The following TPH2 variants were observed in gnomAD, a reference collection of about 807,000 sequenced individuals.
TPH2 encodes tryptophan hydroxylase 2, also known as tryptophan 5-hydroxylase 2.
In TPH2, 27 loss-of-function variants were observed where a neutral mutation model predicts 59.1. That is an observed-to-expected ratio of 0.46 (90% CI 0.34 to 0.63). TPH2 has a LOEUF of 0.63. Among genes scored for constraint, TPH2 ranks in the 30% least tolerant of loss-of-function variants. The probability of loss-of-function intolerance (pLI) is 0.01; values close to 1 mark genes in which losing one functional copy is unlikely to be tolerated. For synonymous variants in TPH2, 220 were observed against 210.5 expected, an observed-to-expected ratio of 1.05 and a Z score of -0.39; for missense variants, 523 against 588.3, an observed-to-expected ratio of 0.89 and a Z score of 1.15.
intron 5 of TPH2, among the ~76,000 whole-genome samples, chr12:71,954,508 T>C (rs1397834748): frequency 6.6e-6 from 1 of 152,052 alleles, no homozygotes; most frequent in Non-Finnish European, 1.5e-5. Flanking sequence ...AAGTACCCCA[T>C]GATTAGATAA....
chr12:72,014,376 A>AT lies in TPH2; in HGVS notation c.1069-8013dup, dbSNP rs905504732. The stretch of plus-strand genomic sequence containing the variant: ...CTATCTCTTGAAGCCTAGTCCCAGA[A>AT]TTTTTTTTTTCTTTTTTTCTTTTTT... On this transcript the variant is annotated intron_variant, in intron 8 of 10. Coordinates refer to ENST00000333850, the MANE Select transcript of TPH2 (RefSeq NM_173353.4). 7.6e-4 allele frequency among the ~76,000 whole-genome samples: 110 copies of AT among 145,026 alleles called. 1 individual carries two copies. The highest frequency in any genetic ancestry group is 2.0e-3 in the African/African-American group (80 of 39,180).
chr12:71,941,038 A>C (rs763037593), intron 1 of TPH2, among the ~76,000 whole-genome samples: 7 of 152,212 alleles, frequency 4.6e-5, no homozygotes, highest in Non-Finnish European at 7.3e-5. Context: ...ATTCACATTG[A>C]CAATGTGGAT....
At chr12:71,942,206 T>G (rs952341595) in intron 2 of TPH2, among the ~76,000 whole-genome samples, 23 of 152,332 alleles carry the variant, frequency 1.5e-4, no homozygotes, top group African/African-American at 5.3e-4. Flanking sequence ...TGTATCTTTT[T>G]GCGAAGATGA....
chr12:71,965,031 T>C (rs1229189811), intron 5 of TPH2: 4 of 152,246 alleles, frequency 2.6e-5, no homozygotes, highest in African/African-American at 7.2e-5. Context: ...AGTGAGAACA[T>C]GCAGTATTTA....
chr12:72,031,799 TA>T lies in TPH2; in HGVS notation c.*106del. On this transcript the variant is annotated 3_prime_UTR_variant, in exon 11 of 11. Coordinates refer to ENST00000333850, the MANE Select transcript of TPH2 (RefSeq NM_173353.4). The stretch of plus-strand genomic sequence containing the variant: ...ACCTTCTGTGTCATGGCTTGGCTAA[TA>T]AGCATGCAATTCCATATATCTATAC... The T allele has an allele frequency of 7.4e-7, 1 of 1,348,242 alleles. No individual in the cohort carries two copies. The highest frequency in any genetic ancestry group is 1.1e-6 in the Non-Finnish European group (1 of 945,098). The allele number at this position is 1,348,242 out of a possible 1,614,324, so 83.5% of individuals were successfully genotyped here. A position where few individuals can be genotyped will look rare whatever the true frequency, so the allele number is the denominator to read the frequency against.
At chr12:72,001,428 C>CTTT (rs529030879) in intron 8 of TPH2, among the ~76,000 whole-genome samples, 1 of 141,048 alleles carries the variant, frequency 7.1e-6, no homozygotes, top group Non-Finnish European at 1.6e-5. Context: ...GCTTTGTGTT[C>CTTT]TTTTTTTTTT....
At chr12:72,015,877 T>C (rs1282902113) in intron 8 of TPH2, among the ~76,000 whole-genome samples, 1 of 152,088 alleles carries the variant, frequency 6.6e-6, no homozygotes, top group East Asian at 1.9e-4. Flanking sequence ...GATGGGGCAG[T>C]GTCAGTGGCT....
intron 7 of TPH2, among the ~76,000 whole-genome samples, chr12:71,982,258 A>T (rs1872307539): frequency 6.6e-6 from 1 of 150,628 alleles, no homozygotes; most frequent in South Asian, 2.1e-4. Context: ...ATCTGCCTCG[A>T]CCTCCTAAAG....
intron 9 of TPH2, among the ~76,000 whole-genome samples, chr12:72,024,171 A>T (rs2139246922): frequency 6.6e-6 from 1 of 152,324 alleles, no homozygotes; most frequent in African/African-American, 2.4e-5. Context: ...AAAGTGTGAC[A>T]ATGAAAGAAA....
intron 8 of TPH2, among the ~76,000 whole-genome samples, chr12:72,021,389 GTGTGTGTA>G (rs1406796094): frequency 4.8e-4 from 71 of 147,286 alleles, no homozygotes; most frequent in African/African-American, 1.5e-3. Flanking sequence ...GTGTGTGTGT[GTGTGTGTA>G]TGTGTGTATA....
chr12:72,022,484 G>C lies in TPH2; in HGVS notation c.1154G>C (p.Gly385Ala). ...AYGAGLLSSI[G>A]ELKHALSDKA... The stretch of plus-strand genomic sequence containing the variant: ...GGAGCAGGACTCCTTTCCTCCATTG[G>C]AGAATTAAAGGTATGAAGCTGTGAA... The change falls in exon 9 of 11, where the codon GGA (glycine) becomes GCA (alanine). Residue 385 changes from glycine (G) to alanine (A), a missense_variant. Transcript: ENST00000333850. 6.2e-7 allele frequency: 1 copy of C among 1,612,590 alleles called. No individual in the cohort carries two copies.
rs562710747 is a variant in TPH2 at position 71,944,928 on chromosome 12, C to A, written c.540+242C>A. 7.9e-5 allele frequency among the ~76,000 whole-genome samples: 12 copies of A among 152,166 alleles called. No individual in the cohort carries two copies. In the South Asian group the frequency reaches 2.5e-3, roughly 32 times the overall value. ...TAAAAGGGTTGGATAGAGGAGGAGA[C>A]GCTAAACCTTGGAGAATATTTCTGT... On this transcript the variant is annotated intron_variant, in intron 4 of 10. Transcript: ENST00000333850.
At chr12:71,983,325 A>T (rs1041440329) in intron 7 of TPH2, among the ~76,000 whole-genome samples, 1 of 152,130 alleles carries the variant, frequency 6.6e-6, no homozygotes, top group South Asian at 2.1e-4. Flanking sequence ...CCATGCTTTG[A>T]TCAGCTGTGG....
At chr12:72,024,623 A>G (rs546747123) in intron 9 of TPH2, among the ~76,000 whole-genome samples, 4 of 152,228 alleles carry the variant, frequency 2.6e-5, no homozygotes, top group Admixed American at 6.5e-5. Context: ...GTGTCTATTT[A>G]CATCCTCCTC....
chr12:71,966,576 C>A (rs1454848652), intron 5 of TPH2, among the ~76,000 whole-genome samples: 1 of 152,186 alleles, frequency 6.6e-6, no homozygotes, highest in African/African-American at 2.4e-5. Flanking sequence ...GAGGCATCTC[C>A]TGCCCTAAGG....
intron 2 of TPH2, 84 bp from the exon 3 acceptor site, chr12:71,944,209 CT>C: frequency 6.8e-7 from 1 of 1,467,366 alleles, no homozygotes; most frequent in Non-Finnish European, 9.5e-7. Flanking sequence ...TACTTGGCAC[CT>C]TGCTTAAGAT....
At chr12:71,947,279 T>C (rs1008511663) in intron 4 of TPH2, among the ~76,000 whole-genome samples, 3 of 152,120 alleles carry the variant, frequency 2.0e-5, no homozygotes, top group Non-Finnish European at 4.4e-5. Flanking sequence ...TGATGTATTA[T>C]TTAAAGCTCC....
chr12:71,962,191 T>A, intron 5 of TPH2: 3 of 985,944 alleles, frequency 3.0e-6, no homozygotes, highest in Non-Finnish European at 3.6e-6. Context: ...ATGACTTGAA[T>A]GTTTTGAAAT....
In TPH2 at chr12:71,960,000, A is replaced by C. The variant is rs887050576; in HGVS notation, c.608+10345A>C. ...GACTGAGCTAATTTTATCCCATTCCATTATCTTCCATTGATTTGCTTTCTC... is the reference window on the plus strand; with the variant it reads ...GACTGAGCTAATTTTATCCCATTCCCTTATCTTCCATTGATTTGCTTTCTC... On this transcript the variant is annotated intron_variant, in intron 5 of 10. Transcript: ENST00000333850. Among the ~76,000 whole-genome samples the C allele has an allele frequency of 4.6e-5, 7 of 152,262 alleles. 1 individual carries two copies. Among genetic ancestry groups the C allele is most frequent in the Admixed American group, 4.6e-4 (7 of 15,290 alleles).
Sources: allele counts gnomAD v4.1 joint callset (sites outside exome capture counted in the v4.1 genomes callset), GRCh38; gene constraint gnomAD v4.1.1; transcripts MANE v1.5; gene names NCBI Gene and HGNC (gene_info 2026-07-23, HGNC 2026-07-21).